The following ZNF365 variants were observed in gnomAD, a reference collection of about 807,000 sequenced individuals.
The protein encoded by ZNF365 is protein ZNF365.
In ZNF365, 22 loss-of-function variants were observed where a neutral mutation model predicts 35.0. The observed-to-expected ratio is 0.63, with a 90% CI of 0.45 to 0.90. The LOEUF (loss-of-function observed/expected upper bound fraction) is 0.90, where lower values mean the gene tolerates loss of function less well. Ranked by LOEUF, ZNF365 falls within the 40% of genes least tolerant of loss-of-function variation. The pLI, the probability that ZNF365 is intolerant of heterozygous loss-of-function variation, is 0.00. For missense variants in ZNF365, 448 were observed against 500.3 expected (o/e 0.90, Z 1.00); for synonymous variants, 188 against 196.2 (o/e 0.96, Z 0.35).
At chr10:62,475,172 T>C (rs980556401) in intron 4 of ZNF365, among the ~76,000 whole-genome samples, 7 of 152,212 alleles carry the variant, frequency 4.6e-5, no homozygotes, top group African/African-American at 1.7e-4. Context: ...TACAAGTTTG[T>C]CATCATCACT....
chr10:62,398,188 G>C (rs1219866742), intron 3 of ZNF365, among the ~76,000 whole-genome samples: 1 of 152,154 alleles, frequency 6.6e-6, no homozygotes, highest in East Asian at 1.9e-4. Context: ...CAAAAATATG[G>C]AATCAGCCTA....
chr10:62,453,164 A>C (rs1840710411), intron 3 of ZNF365, among the ~76,000 whole-genome samples: 1 of 152,248 alleles, frequency 6.6e-6, no homozygotes, highest in Non-Finnish European at 1.5e-5. Flanking sequence ...GATGAGGTAC[A>C]AATTTAATTT....
intron 2 of ZNF365, among the ~76,000 whole-genome samples, chr10:62,378,454 G>T (rs547325550): frequency 6.6e-6 from 1 of 152,200 alleles, no homozygotes; most frequent in Non-Finnish European, 1.5e-5. Flanking sequence ...ATGCTTAATT[G>T]TTAAAAATAT....
At chr10:62,389,714 A>G (rs891001836) in intron 3 of ZNF365, among the ~76,000 whole-genome samples, 1 of 152,232 alleles carries the variant, frequency 6.6e-6, no homozygotes, top group Non-Finnish European at 1.5e-5. Context: ...AAGAAATCCT[A>G]CATGGTGCTT....
intron 3 of ZNF365, among the ~76,000 whole-genome samples, chr10:62,454,560 C>A (rs1304680243): frequency 6.6e-6 from 1 of 151,830 alleles, no homozygotes; most frequent in African/African-American, 2.4e-5. Context: ...AGCTTGAGAA[C>A]CTCTAATCTA....
At chr10:62,449,885 C>T (rs1450788585) in intron 3 of ZNF365, among the ~76,000 whole-genome samples, 1 of 150,074 alleles carries the variant, frequency 6.7e-6, no homozygotes, top group Non-Finnish European at 1.5e-5. Flanking sequence ...CTGACCAGAT[C>T]TACTCATTGC....
At chr10:62,405,251 G>A (rs755637959), downstream of ZNF365, among the ~76,000 whole-genome samples, 1 of 152,182 alleles carries the variant, frequency 6.6e-6, no homozygotes, top group Non-Finnish European at 1.5e-5. Context: ...TGTGTGTCAT[G>A]TCAGGCTCCA....
At chr10:62,469,850 A>T (rs1335497165) in intron 4 of ZNF365, among the ~76,000 whole-genome samples, 1 of 152,190 alleles carries the variant, frequency 6.6e-6, no homozygotes, top group South Asian at 2.1e-4. Flanking sequence ...AACTGTCTGA[A>T]ATCATAGAGG....
intron 3 of ZNF365, among the ~76,000 whole-genome samples, chr10:62,431,504 GC>G (rs1840334109): frequency 6.6e-6 from 1 of 151,544 alleles, no homozygotes; most frequent in African/African-American, 2.4e-5. Context: ...ATAGTCTAAT[GC>G]TGTTAATAGT....
intron 3 of ZNF365, among the ~76,000 whole-genome samples, chr10:62,389,520 CA>C (rs1839589707): frequency 6.6e-6 from 1 of 151,892 alleles, no homozygotes; most frequent in Non-Finnish European, 1.5e-5. Flanking sequence ...TTATGCCGAT[CA>C]AAAGATTAGC....
At chr10:62,396,482 G>A (rs1839730275) in intron 3 of ZNF365, among the ~76,000 whole-genome samples, 1 of 152,160 alleles carries the variant, frequency 6.6e-6, no homozygotes, top group African/African-American at 2.4e-5. Flanking sequence ...TTTTGATCTG[G>A]TGTGTGACAT....
chr10:62,459,576 T>C (rs1840814035), intron 3 of ZNF365, among the ~76,000 whole-genome samples: 1 of 152,250 alleles, frequency 6.6e-6, no homozygotes, highest in Non-Finnish European at 1.5e-5. Context: ...ATAGTCCTGA[T>C]TGCAATTAGC....
chr10:62,429,200 T>C (rs771198885), intron 3 of ZNF365, among the ~76,000 whole-genome samples: 28 of 152,210 alleles, frequency 1.8e-4, no homozygotes, highest in Non-Finnish European at 2.8e-4. Context: ...GGAATGGTTG[T>C]CATTGTTGCA....
At chr10:62,456,054 T>A (rs924209727) in intron 3 of ZNF365, among the ~76,000 whole-genome samples, 3 of 152,224 alleles carry the variant, frequency 2.0e-5, no homozygotes, top group Non-Finnish European at 4.4e-5. Context: ...GTGATGGTGA[T>A]GGACAGATTC....
intron 3 of ZNF365, among the ~76,000 whole-genome samples, chr10:62,422,267 T>C (rs1289153445): frequency 6.6e-6 from 1 of 152,192 alleles, no homozygotes; most frequent in African/African-American, 2.4e-5. Flanking sequence ...TTGGGTAGAC[T>C]GGGAAATGTG....
At chr10:62,406,613 CT>C (rs1201706244), downstream of ZNF365, among the ~76,000 whole-genome samples, 1 of 152,152 alleles carries the variant, frequency 6.6e-6, no homozygotes, top group Non-Finnish European at 1.5e-5. Flanking sequence ...AGAAAATGGA[CT>C]TTCTTCCAGC....
At chr10:62,437,250 G>A (rs532784789) in intron 3 of ZNF365, among the ~76,000 whole-genome samples, 16 of 152,196 alleles carry the variant, frequency 1.1e-4, no homozygotes, top group South Asian at 4.2e-4. Context: ...GCTGTTTTGC[G>A]ACTAATGATT....
At chr10:62,457,692 A>G (rs888061618) in intron 3 of ZNF365, among the ~76,000 whole-genome samples, 8 of 152,180 alleles carry the variant, frequency 5.3e-5, no homozygotes, top group African/African-American at 1.9e-4. Flanking sequence ...CACTCTGTCA[A>G]CTCAATCATT....
rs575432780 is a variant in ZNF365 at position 62,432,907 on chromosome 10, G to A, written c.925-26834G>A. 2.0e-5 allele frequency among the ~76,000 whole-genome samples: 3 copies of A among 152,252 alleles called. No homozygotes were observed. In the South Asian group the frequency reaches 6.2e-4, roughly 32 times the overall value. On this transcript the variant is annotated intron_variant, in intron 3 of 4. Coordinates refer to the ZNF365 transcript ENST00000395255. ...AATATTCTCTTGAAAGCCCTAAAAT[G>A]TACATGGAGATCTTTCCCAGTAAAC...
Sources: allele counts gnomAD v4.1 joint callset (sites outside exome capture counted in the v4.1 genomes callset), GRCh38; gene constraint gnomAD v4.1.1; transcripts MANE v1.5; gene names NCBI Gene and HGNC (gene_info 2026-07-23, HGNC 2026-07-21).